TNS3: variants seen among roughly 807,000 people sequenced by gnomAD.
The protein encoded by TNS3 is tensin-3.
Under a neutral mutation model 140.9 loss-of-function variants are expected in TNS3, and 45 were observed. The ratio of observed to expected loss-of-function variants is 0.32; its 90% CI spans 0.25 to 0.41. The LOEUF is 0.41. Among genes scored for constraint, TNS3 ranks in the 10% least tolerant of loss-of-function variants. TNS3 has a pLI of 1.00. For synonymous variants in TNS3, 815 were observed against 788.4 expected, an observed-to-expected ratio of 1.03 and a Z score of -0.56; for missense variants, 1,716 against 1,906.7, an observed-to-expected ratio of 0.90 and a Z score of 1.86.
chr7:47,306,742 T>C (rs1786780816), intron 20 of TNS3, among the ~76,000 whole-genome samples: 1 of 152,072 alleles, frequency 6.6e-6, no homozygotes, highest in Non-Finnish European at 1.5e-5. Flanking sequence ...ACCCGGCTAA[T>C]TTCTTTTTGT....
intron 1 of TNS3, among the ~76,000 whole-genome samples, chr7:47,549,788 C>T (rs1167073745): frequency 1.3e-5 from 2 of 152,150 alleles, no homozygotes; most frequent in African/African-American, 4.8e-5. Flanking sequence ...GATCCCCCTG[C>T]CTAGAACACA....
At chr7:47,449,958 A>G (rs1384791617) in intron 4 of TNS3, among the ~76,000 whole-genome samples, 1 of 151,962 alleles carries the variant, frequency 6.6e-6, no homozygotes, top group African/African-American at 2.4e-5. Flanking sequence ...CTAACTGTGA[A>G]TTCTCGTCTG....
chr7:47,410,895 A>G (rs1482932392), intron 13 of TNS3, among the ~76,000 whole-genome samples: 1 of 152,238 alleles, frequency 6.6e-6, no homozygotes, highest in Non-Finnish European at 1.5e-5. Context: ...AATTGTTTGT[A>G]TTCAAGAAAG....
In TNS3 at chr7:47,279,945, G is replaced by A. The variant is rs994390409; in HGVS notation, c.4193+219C>T. On this transcript the variant is annotated intron_variant, in intron 30 of 30. Coordinates refer to ENST00000311160, the MANE Select transcript of TNS3 (RefSeq NM_022748.12). ...TATGCCACAGTGTTATATGACACAT[G>A]TAAATATTGCACATCCAGCCAACAG... 3.9e-5 allele frequency: 24 copies of A among 611,848 alleles called. No homozygotes were observed. The African/African-American group carries it at 4.1e-4, about 10-fold the overall frequency. The allele number at this position is 611,848 out of a possible 1,614,324, so 37.9% of individuals were successfully genotyped here. A position where few individuals can be genotyped will look rare whatever the true frequency, so the allele number is the denominator to read the frequency against.
At chr7:47,339,117 A>T (rs1046733285) in intron 20 of TNS3, among the ~76,000 whole-genome samples, 2 of 151,680 alleles carry the variant, frequency 1.3e-5, no homozygotes, top group Non-Finnish European at 2.9e-5. Context: ...CTTTTTTTGG[A>T]CATGTGGTTT....
At chr7:47,321,718 G>A (rs1787744253) in intron 20 of TNS3, among the ~76,000 whole-genome samples, 1 of 152,170 alleles carries the variant, frequency 6.6e-6, no homozygotes, top group Non-Finnish European at 1.5e-5. Context: ...AATAACCATT[G>A]TGCTCTGAGG....
At chr7:47,510,860 T>TAAAAAA (rs34323744) in intron 2 of TNS3, among the ~76,000 whole-genome samples, 1 of 128,320 alleles carries the variant, frequency 7.8e-6, no homozygotes, top group Non-Finnish European at 1.6e-5. Context: ...AGACTGTCTT[T>TAAAAAA]AAAAAAAAAA....
chr7:47,299,879 G>C (rs991685945), intron 23 of TNS3, among the ~76,000 whole-genome samples: 1 of 152,228 alleles, frequency 6.6e-6, no homozygotes, highest in Non-Finnish European at 1.5e-5. Context: ...ACAGGGATGA[G>C]GGGAGGGGAG....
At chr7:47,576,318 CT>C (rs1337211557) in intron 1 of TNS3, among the ~76,000 whole-genome samples, 1 of 152,142 alleles carries the variant, frequency 6.6e-6, no homozygotes, top group Non-Finnish European at 1.5e-5. Flanking sequence ...GCTCCCACCC[CT>C]GAGCTCCGGA....
At chr7:47,367,621 T>C (rs1226746200) in intron 17 of TNS3, among the ~76,000 whole-genome samples, 2 of 152,100 alleles carry the variant, frequency 1.3e-5, no homozygotes, top group African/African-American at 4.8e-5. Flanking sequence ...CCCGGCCTGG[T>C]TTTGGGGCAT....
intron 16 of TNS3, among the ~76,000 whole-genome samples, chr7:47,387,480 C>A (rs1792143304): frequency 6.6e-6 from 1 of 152,206 alleles, no homozygotes; most frequent in African/African-American, 2.4e-5. Flanking sequence ...GCCCAGATGG[C>A]CGAATGGGGC....
intron 2 of TNS3, among the ~76,000 whole-genome samples, chr7:47,509,249 T>C (rs1798522599): frequency 1.3e-5 from 2 of 152,190 alleles, no homozygotes; most frequent in Non-Finnish European, 2.9e-5. Context: ...TGAAATCATA[T>C]AAACTGCCCA....
chr7:47,545,492 A>G (rs1317102972), intron 1 of TNS3, among the ~76,000 whole-genome samples: 1 of 152,150 alleles, frequency 6.6e-6, no homozygotes, highest in African/African-American at 2.4e-5. Context: ...GGCTCTAGGA[A>G]GTTTAACAAC....
rs2151943536 is a variant in TNS3, at chr7:47,530,841, AT to A, written c.-264-1695del. Among the ~76,000 whole-genome samples the A allele has an allele frequency of 2.6e-5, 3 of 114,742 alleles. No homozygotes were observed. The South Asian group carries it at 9.0e-4, about 35-fold the overall frequency. The allele number at this position is 114,742 out of a possible 152,430, so 75.3% of individuals were successfully genotyped here. A position where few individuals can be genotyped will look rare whatever the true frequency, so the allele number is the denominator to read the frequency against. ...TCCATCTCAAAAAAAAAAAAAAAAT[AT>A]ATATATATATATATATTTCTAGCAC... On this transcript the variant is annotated intron_variant, in intron 1 of 30. Coordinates refer to ENST00000311160, the MANE Select transcript of TNS3 (RefSeq NM_022748.12).
chr7:47,281,706 G>T (rs929408544), intron 28 of TNS3, among the ~76,000 whole-genome samples: 8 of 152,160 alleles, frequency 5.3e-5, no homozygotes, highest in African/African-American at 1.9e-4. Flanking sequence ...GGAATATAAA[G>T]AATACAGGGA....
intron 15 of TNS3, among the ~76,000 whole-genome samples, chr7:47,397,527 G>A (rs558770657): frequency 3.9e-5 from 6 of 152,210 alleles, no homozygotes; most frequent in South Asian, 2.1e-4. Flanking sequence ...AAATTGTTTC[G>A]CACATAATAC....
At chr7:47,565,655 G>C (rs911493732) in intron 1 of TNS3, among the ~76,000 whole-genome samples, 4 of 152,190 alleles carry the variant, frequency 2.6e-5, no homozygotes, top group African/African-American at 9.7e-5. Flanking sequence ...ATAGGCATGA[G>C]TCACTACGCT....
chr7:47,542,456 G>A (rs549023429), intron 1 of TNS3, among the ~76,000 whole-genome samples: 1 of 152,098 alleles, frequency 6.6e-6, no homozygotes, highest in South Asian at 2.1e-4. Context: ...CCTGATTCCC[G>A]ATTCCTAGCC....
rs1354575199 is a variant in TNS3 at position 47,303,404 on chromosome 7, C to T, written c.3003G>A (p.Glu1001=). The change falls in exon 22 of 31, where the codon GAG becomes GAA. Residue 1001 remains glutamate, a synonymous_variant. Coordinates refer to ENST00000311160, the MANE Select transcript of TNS3 (RefSeq NM_022748.12). ...AGTCCGGTGGCTCTGCTAGGGACAGCTCATGGCTGTGGAAAGGAGCCTGGA... is the reference window on the plus strand; with the variant it reads ...AGTCCGGTGGCTCTGCTAGGGACAGTTCATGGCTGTGGAAAGGAGCCTGGA... ...SELQAPFHSH[E]LSLAEPPDSL... The T allele has an allele frequency of 6.2e-7, 1 of 1,613,836 alleles. No homozygotes were observed.
Sources: gnomAD v4.1 joint callset for allele counts (sites outside exome capture counted in the v4.1 genomes callset) on GRCh38, gnomAD v4.1.1 for gene constraint, MANE v1.5 for transcripts, NCBI Gene and HGNC (gene_info 2026-07-23, HGNC 2026-07-21) for gene names.